The following KCNQ3 variants were observed in gnomAD, a reference collection of about 807,000 sequenced individuals.
KCNQ3 encodes potassium voltage-gated channel subfamily KQT member 3.
A neutral mutation model predicts 92.5 loss-of-function variants in KCNQ3; 30 were observed. The ratio of observed to expected loss-of-function variants is 0.32; its 90% confidence interval spans 0.24 to 0.44. KCNQ3 has a LOEUF of 0.44. Among genes scored for constraint, KCNQ3 ranks in the 20% least tolerant of loss-of-function variants. The pLI is 1.00. For synonymous variants in KCNQ3, 450 were observed against 468.8 expected (o/e 0.96, Z 0.52); for missense variants, 913 against 1,140.3 (o/e 0.80, Z 2.87).
chr8:132,370,202 C>A (rs541065815), intron 1 of KCNQ3, among the ~76,000 whole-genome samples: 1 of 152,298 alleles, frequency 6.6e-6, no homozygotes, highest in African/African-American at 2.4e-5. Flanking sequence ...CAATAAATAT[C>A]CACTGAATGC....
chr8:132,198,104 TG>T lies in KCNQ3; in HGVS notation c.387-11924del, dbSNP rs537616977. Among the ~76,000 whole-genome samples the T allele has an allele frequency of 3.1e-3, 478 of 152,352 alleles. 1 individual carries two copies. Among genetic ancestry groups the T allele is most frequent in the Middle Eastern group, 0.017 (5 of 294 alleles). On this transcript the variant is annotated intron_variant, in intron 1 of 14. Coordinates refer to ENST00000388996, the MANE Select transcript of KCNQ3 (RefSeq NM_004519.4). ...TTAGGTTACAAAAAATTTCAACTTC[TG>T]TCTTACAAGTAGACTGTCTCTCTTG... is the stretch of plus-strand genomic sequence containing the variant.
intron 11 of KCNQ3, 127 bp downstream of exon 11, chr8:132,139,949 A>G: frequency 3.0e-6 from 2 of 666,598 alleles, no homozygotes; most frequent in East Asian, 5.1e-5. Context: ...GACCTAACTC[A>G]GGGTTAGTGG....
chr8:132,416,388 G>A (rs1587000466), intron 1 of KCNQ3, among the ~76,000 whole-genome samples: 2 of 152,096 alleles, frequency 1.3e-5, no homozygotes, highest in Non-Finnish European at 2.9e-5. Context: ...AGCACTTTGG[G>A]AGGCTGAGGC....
intron 1 of KCNQ3, among the ~76,000 whole-genome samples, chr8:132,242,181 T>C (rs1815019063): frequency 6.6e-6 from 1 of 152,216 alleles, no homozygotes; most frequent in Non-Finnish European, 1.5e-5. Flanking sequence ...TGCTGACCTG[T>C]GAGGTGGTTA....
At chr8:132,216,299 G>A (rs1245886047) in intron 1 of KCNQ3, among the ~76,000 whole-genome samples, 2 of 152,248 alleles carry the variant, frequency 1.3e-5, no homozygotes, top group Non-Finnish European at 2.9e-5. Flanking sequence ...ATGCGCAAGT[G>A]TTTTGAGCGC....
chr8:132,154,223 T>TTTTTTTTTTTTTTTTTG (rs1825737377), intron 9 of KCNQ3, among the ~76,000 whole-genome samples: 2 of 131,880 alleles, frequency 1.5e-5, no homozygotes. Flanking sequence ...TTTTTTTTTT[T>TTTTTTTTTTTTTTTTTG]AGCCAATCAG....
At chr8:132,437,901 G>A (rs1346251316) in intron 1 of KCNQ3, among the ~76,000 whole-genome samples, 1 of 152,106 alleles carries the variant, frequency 6.6e-6, no homozygotes, top group African/African-American at 2.4e-5. Flanking sequence ...TAAGAACATT[G>A]CCCCAGGAAA....
chr8:132,257,888 A>C (rs1252191130), intron 1 of KCNQ3, among the ~76,000 whole-genome samples: 2 of 152,198 alleles, frequency 1.3e-5, no homozygotes, highest in Admixed American at 6.5e-5. Context: ...TATCAAACAA[A>C]ATAGACTTAA....
intron 1 of KCNQ3, among the ~76,000 whole-genome samples, chr8:132,345,254 AACC>A (rs1402607508): frequency 1.3e-5 from 2 of 152,206 alleles, no homozygotes; most frequent in East Asian, 3.9e-4. Context: ...TATGAAATGG[AACC>A]ACCCACACCC....
intron 9 of KCNQ3, among the ~76,000 whole-genome samples, chr8:132,151,950 C>G (rs1008193793): frequency 3.9e-5 from 6 of 152,110 alleles, no homozygotes; most frequent in Admixed American, 3.9e-4. Flanking sequence ...TTCTAAAATT[C>G]TAATGTCTAA....
At chr8:132,343,833 C>T (rs1818605176) in intron 1 of KCNQ3, among the ~76,000 whole-genome samples, 1 of 152,114 alleles carries the variant, frequency 6.6e-6, no homozygotes. Flanking sequence ...TCCATATTTT[C>T]TTTGCCACCC....
At chr8:132,441,997 TC>T (rs1265117126) in intron 1 of KCNQ3, among the ~76,000 whole-genome samples, 2 of 152,154 alleles carry the variant, frequency 1.3e-5, no homozygotes, top group Non-Finnish European at 2.9e-5. Context: ...TACTGCATGT[TC>T]TCACTTATAA....
intron 1 of KCNQ3, among the ~76,000 whole-genome samples, chr8:132,229,905 C>T (rs547011341): frequency 1.7e-4 from 26 of 152,250 alleles, no homozygotes; most frequent in Admixed American, 1.4e-3. Context: ...TGGAAGGGAG[C>T]TGGCAAATAT....
chr8:132,411,910 T>C (rs1820662173), intron 1 of KCNQ3, among the ~76,000 whole-genome samples: 1 of 152,204 alleles, frequency 6.6e-6, no homozygotes, highest in Admixed American at 6.5e-5. Context: ...CTGCTGCTGG[T>C]GCCCCAGGCA....
chr8:132,309,635 A>C (rs138263429), intron 1 of KCNQ3, among the ~76,000 whole-genome samples: 15 of 152,332 alleles, frequency 9.8e-5, no homozygotes, highest in African/African-American at 3.4e-4. Flanking sequence ...AGGACCACAC[A>C]CTAGAAATCC....
intron 1 of KCNQ3, among the ~76,000 whole-genome samples, chr8:132,345,896 T>C (rs1318745087): frequency 6.6e-6 from 1 of 151,900 alleles, no homozygotes; most frequent in African/African-American, 2.4e-5. Flanking sequence ...ATGGTGATGA[T>C]GATGATGATG....
intron 7 of KCNQ3, among the ~76,000 whole-genome samples, chr8:132,172,078 T>C (rs902771314): frequency 6.6e-6 from 1 of 151,904 alleles, no homozygotes; most frequent in African/African-American, 2.4e-5. Context: ...TCCCAACTAC[T>C]CAGGAGGCTG....
chr8:132,249,152 G>A (rs1252593762), intron 1 of KCNQ3, among the ~76,000 whole-genome samples: 3 of 152,178 alleles, frequency 2.0e-5, no homozygotes, highest in Non-Finnish European at 4.4e-5. Context: ...AGAGTGAGCA[G>A]CAACAAGATT....
At chr8:132,334,045 A>G (rs929010643) in intron 1 of KCNQ3, among the ~76,000 whole-genome samples, 2 of 152,114 alleles carry the variant, frequency 1.3e-5, no homozygotes, top group South Asian at 4.2e-4. Flanking sequence ...ACAGGACTAC[A>G]TAATATTCCA....
Sources: allele counts gnomAD v4.1 joint callset (sites outside exome capture counted in the v4.1 genomes callset), GRCh38; gene constraint gnomAD v4.1.1; transcripts MANE v1.5; gene names NCBI Gene and HGNC (gene_info 2026-07-23, HGNC 2026-07-21).